The following RBMS3 variants were observed in gnomAD, a reference collection of about 807,000 sequenced individuals.
The protein encoded by RBMS3 is RNA binding motif single stranded interacting protein 3.
A neutral mutation model predicts 66.8 loss-of-function variants in RBMS3; 27 were observed. The ratio of observed to expected loss-of-function variants is 0.40; its 90% CI spans 0.30 to 0.56. The LOEUF is 0.56. Among genes scored for constraint, RBMS3 ranks in the 20% least tolerant of loss-of-function variants. RBMS3 has a pLI of 0.40. For synonymous variants in RBMS3, 188 were observed against 183.0 expected, an observed-to-expected ratio of 1.03 and a Z score of -0.22; for missense variants, 513 against 549.5, an observed-to-expected ratio of 0.93 and a Z score of 0.66.
intron 2 of RBMS3, among the ~76,000 whole-genome samples, chr3:29,451,220 T>G (rs896848375): frequency 5.3e-5 from 8 of 152,270 alleles, no homozygotes; most frequent in African/African-American, 1.9e-4. Flanking sequence ...TACAGAAAAC[T>G]CAATTTGTGT....
rs571340584 is a variant in RBMS3 at position 29,365,961 on chromosome 3, T to G, written c.76-68782T>G. Reference sequence around the variant, plus strand: ...TGAGTACTCTCTGGGAACCTCATATTTGAATTAAGTGATTTTACTCATTTG... The same window carrying G: ...TGAGTACTCTCTGGGAACCTCATATGTGAATTAAGTGATTTTACTCATTTG... On this transcript the variant is annotated intron_variant, in intron 1 of 14. Transcript: ENST00000383767. 2.0e-5 allele frequency among the ~76,000 whole-genome samples: 3 copies of G among 152,272 alleles called. No individual in the cohort carries two copies. In the South Asian group the frequency reaches 6.2e-4, roughly 32 times the overall value.
intron 3 of RBMS3, among the ~76,000 whole-genome samples, chr3:29,563,302 A>G (rs1350028320): frequency 6.6e-6 from 1 of 152,230 alleles, no homozygotes; most frequent in Non-Finnish European, 1.5e-5. Flanking sequence ...ACACATATTA[A>G]CGGACAAAAC....
chr3:29,313,362 A>G (rs556901894), intron 1 of RBMS3, among the ~76,000 whole-genome samples: 17 of 151,868 alleles, frequency 1.1e-4, no homozygotes, highest in South Asian at 4.1e-4. Flanking sequence ...TGCCTCGAGT[A>G]GAGAAAGGAA....
rs533425403 is a variant in RBMS3, at chr3:29,895,941, T to C, written c.792-1438T>C. 4.6e-5 allele frequency among the ~76,000 whole-genome samples: 7 copies of C among 151,520 alleles called. No individual in the cohort carries two copies. The East Asian group carries it at 1.4e-3, about 30-fold the overall frequency. ...AACTTTGTATTTTCTCTTTTTGTCA[T>C]TATATCAGGTGTATAGTCAGTGGCT... On this transcript the variant is annotated intron_variant, in intron 8 of 14. Transcript: ENST00000383767.
At position 29,621,635 on chromosome 3, in the gene RBMS3, G is replaced by C. The variant is rs1309841445; in HGVS notation, c.399+34430G>C. On this transcript the variant is annotated intron_variant, in intron 4 of 14. Coordinates refer to ENST00000383767, the MANE Select transcript of RBMS3 (RefSeq NM_001003793.3). ...ATAACTTATCAGAAGTCTCCTGACA[G>C]CATAATACCAAGTTCTAGAATGAAA... Among the ~76,000 whole-genome samples the C allele has an allele frequency of 2.6e-5, 4 of 152,294 alleles. No homozygotes were observed. In the East Asian group the frequency reaches 7.7e-4, roughly 29 times the overall value.
chr3:29,511,602 TA>T (rs1278278235), intron 3 of RBMS3, among the ~76,000 whole-genome samples: 1 of 152,098 alleles, frequency 6.6e-6, no homozygotes, highest in Non-Finnish European at 1.5e-5. Flanking sequence ...CTGTTGGAAA[TA>T]AAGGGGAGCC....
chr3:29,789,519 C>T (rs2371826), intron 6 of RBMS3, among the ~76,000 whole-genome samples: 47,548 of 151,694 alleles, frequency 0.31, 8,248 homozygotes, highest in African/African-American at 0.46. Context: ...CATTTTCTTC[C>T]ATTAAATCAC....
chr3:29,291,839 C>T (rs2125425345), intron 1 of RBMS3, among the ~76,000 whole-genome samples: 1 of 151,846 alleles, frequency 6.6e-6, no homozygotes, highest in African/African-American at 2.4e-5. Context: ...CCCACTATCA[C>T]TCTCACAAGT....
At chr3:29,878,600 G>T (rs1472890039) in intron 7 of RBMS3, among the ~76,000 whole-genome samples, 2 of 151,956 alleles carry the variant, frequency 1.3e-5, no homozygotes, top group Non-Finnish European at 2.9e-5. Context: ...ACATTTTCAA[G>T]CTTACTTCTG....
chr3:29,349,121 T>C (rs2036755628), intron 1 of RBMS3, among the ~76,000 whole-genome samples: 1 of 152,196 alleles, frequency 6.6e-6, no homozygotes, highest in Non-Finnish European at 1.5e-5. Flanking sequence ...TTGAGGCCTT[T>C]ACTGTGGATG....
chr3:29,878,276 G>C (rs1412388891), intron 7 of RBMS3, among the ~76,000 whole-genome samples: 7 of 152,118 alleles, frequency 4.6e-5, no homozygotes, highest in African/African-American at 1.7e-4. Flanking sequence ...CTGGTTTGCG[G>C]CCCCAGGGTT....
chr3:29,610,790 AAGG>A (rs1181720598), intron 4 of RBMS3, among the ~76,000 whole-genome samples: 3 of 152,054 alleles, frequency 2.0e-5, no homozygotes, highest in Non-Finnish European at 4.4e-5. Context: ...CATATTTTTG[AAGG>A]AGAAGTACTT....
At chr3:29,636,021 T>G (rs1165269872) in intron 4 of RBMS3, among the ~76,000 whole-genome samples, 2 of 148,378 alleles carry the variant, frequency 1.3e-5, no homozygotes, top group East Asian at 4.0e-4. Context: ...TAGAAGGGTC[T>G]GATGCTGTCA....
intron 4 of RBMS3, among the ~76,000 whole-genome samples, chr3:29,590,550 G>A (rs1011631469): frequency 3.9e-5 from 6 of 151,946 alleles, no homozygotes; most frequent in African/African-American, 1.2e-4. Flanking sequence ...ACTGAATATT[G>A]GAGAATGAAG....
chr3:29,344,898 C>T (rs1559503755), intron 1 of RBMS3, among the ~76,000 whole-genome samples: 1 of 152,208 alleles, frequency 6.6e-6, no homozygotes. Flanking sequence ...TGTAGACAGT[C>T]CCAGTGGCTG....
At chr3:29,450,933 C>CCCCACA (rs2041997071) in intron 2 of RBMS3, among the ~76,000 whole-genome samples, 9 of 104,200 alleles carry the variant, frequency 8.6e-5, no homozygotes, top group Non-Finnish European at 2.0e-4. Context: ...ACACACACAC[C>CCCCACA]CCCCACACAC....
chr3:29,759,799 T>G (rs2055585327), intron 5 of RBMS3, among the ~76,000 whole-genome samples: 3 of 152,106 alleles, frequency 2.0e-5, no homozygotes, highest in Non-Finnish European at 4.4e-5. Flanking sequence ...CTTTTCCCCT[T>G]GGCAGCTCCT....
chr3:29,561,160 T>C (rs1488952133), intron 3 of RBMS3, among the ~76,000 whole-genome samples: 1 of 152,180 alleles, frequency 6.6e-6, no homozygotes, highest in Non-Finnish European at 1.5e-5. Context: ...TTAGGTTGAT[T>C]CCATGTCTTT....
At chr3:29,805,311 A>C (rs555990676) in intron 6 of RBMS3, among the ~76,000 whole-genome samples, 1 of 152,100 alleles carries the variant, frequency 6.6e-6, no homozygotes, top group Non-Finnish European at 1.5e-5. Flanking sequence ...TGTACAGTCC[A>C]TAATACTTGA....
Sources: allele counts gnomAD v4.1 joint callset (sites outside exome capture counted in the v4.1 genomes callset), GRCh38; gene constraint gnomAD v4.1.1; transcripts MANE v1.5; gene names NCBI Gene and HGNC (gene_info 2026-07-23, HGNC 2026-07-21).